Variants in MRRF observed in about 807,000 individuals in gnomAD.
MRRF encodes mitochondrial ribosome recycling factor.
MRRF carries 18 observed loss-of-function variants against 25.1 expected under a neutral mutation model. That is an observed-to-expected ratio of 0.72 (90% CI 0.50 to 1.06). MRRF has a LOEUF of 1.06. Among genes scored for constraint, MRRF ranks in the 50% least tolerant of loss-of-function variants. The probability of loss-of-function intolerance (pLI) is 0.00; values close to 1 mark genes in which losing one functional copy is unlikely to be tolerated. For synonymous variants in MRRF, 113 were observed against 112.1 expected (o/e 1.01, Z -0.05); for missense variants, 323 against 319.3 (o/e 1.01, Z -0.09).
At chr9:122,298,444 TG>T (rs1348024735) in intron 5 of MRRF, among the ~76,000 whole-genome samples, 1 of 152,232 alleles carries the variant, frequency 6.6e-6, no homozygotes, top group Non-Finnish European at 1.5e-5. Flanking sequence ...TATGTGATGA[TG>T]GCTTTTGACA....
At chr9:122,299,510 G>C (rs1402252578) in intron 5 of MRRF, among the ~76,000 whole-genome samples, 1 of 152,088 alleles carries the variant, frequency 6.6e-6, no homozygotes, top group Non-Finnish European at 1.5e-5. Flanking sequence ...CTGAAGTTCA[G>C]AGGACAGATG....
chr9:122,308,385 CTT>C (rs869284152), intron 5 of MRRF, among the ~76,000 whole-genome samples: 1,664 of 124,126 alleles, frequency 0.013, 21 homozygotes, highest in African/African-American at 0.044. Flanking sequence ...CTGTTTTAGT[CTT>C]TTTTTTTTTT....
chr9:122,311,849 G>A (rs189291242), intron 5 of MRRF, among the ~76,000 whole-genome samples: 169 of 152,292 alleles, frequency 1.1e-3, no homozygotes, highest in Middle Eastern at 6.8e-3. Flanking sequence ...TATTTCAGCA[G>A]GATTAAGTTC....
intron 5 of MRRF, among the ~76,000 whole-genome samples, chr9:122,303,202 C>G (rs1311423525): frequency 2.6e-5 from 4 of 151,638 alleles, no homozygotes; most frequent in African/African-American, 9.7e-5. Flanking sequence ...TTTATTGTTC[C>G]CCAGTTGTTC....
intron 5 of MRRF, among the ~76,000 whole-genome samples, chr9:122,302,629 C>T (rs1834545258): frequency 6.6e-6 from 1 of 151,954 alleles, no homozygotes; most frequent in Non-Finnish European, 1.5e-5. Flanking sequence ...TGGGTTTTTT[C>T]TACTTTGGGG....
intron 1 of MRRF, among the ~76,000 whole-genome samples, chr9:122,268,789 C>T (rs1412552744): frequency 6.6e-6 from 1 of 152,196 alleles, no homozygotes; most frequent in African/African-American, 2.4e-5. Flanking sequence ...ACACTGATCA[C>T]TAACTTCTAG....
At chr9:122,305,397 C>CT (rs1834773284) in intron 5 of MRRF, among the ~76,000 whole-genome samples, 1 of 143,658 alleles carries the variant, frequency 7.0e-6, no homozygotes, top group Non-Finnish European at 1.5e-5. Flanking sequence ...GGGAGACAGA[C>CT]TGAGACTCAT....
chr9:122,280,490 T>C lies in MRRF; in HGVS notation c.232T>C (p.Leu78=). ...SQTRVNINAA[L]VEDIINLEEV... ...AACCAGAGTGAATATTAATGCTGCC[T>C]TGGTTGAGGATATAATCAACTTGGA... The change falls in exon 3 of 7, where the codon TTG becomes CTG. Residue 78 remains leucine (L), a synonymous_variant. Coordinates refer to ENST00000344641, the MANE Select transcript of MRRF (RefSeq NM_138777.5). The C allele has an allele frequency of 6.2e-7, 1 of 1,614,140 alleles. No homozygotes were observed. The highest frequency in any genetic ancestry group is 8.5e-7 in the Non-Finnish European group (1 of 1,179,966).
At position 122,323,344 on chromosome 9, in the gene MRRF, A is replaced by C. The variant is rs1386298873; in HGVS notation, c.*727A>C. On this transcript the variant is annotated 3_prime_UTR_variant, in exon 7 of 7. Transcript: ENST00000344641. ...CAGTCTACTGCTTTGTACGAATTCT[A>C]AGTATTCTTGTTGCACTTAATTAGC... The C allele has an allele frequency of 6.5e-6, 1 of 152,932 alleles. No homozygotes were observed. The highest frequency in any genetic ancestry group is 1.9e-4 in the East Asian group (1 of 5,196). 9.5% of individuals were successfully genotyped at this position (152,932 alleles called of 1,614,324 possible). A position where few individuals can be genotyped will look rare whatever the true frequency, so the allele number is the denominator to read the frequency against.
chr9:122,279,392 G>T (rs1156423269), intron 2 of MRRF, among the ~76,000 whole-genome samples: 1 of 152,208 alleles, frequency 6.6e-6, no homozygotes, highest in Non-Finnish European at 1.5e-5. Flanking sequence ...TGGATAGCAA[G>T]GAGGAGAATG....
At chr9:122,296,953 T>G (rs1260872792) in intron 5 of MRRF, among the ~76,000 whole-genome samples, 2 of 152,332 alleles carry the variant, frequency 1.3e-5, no homozygotes, top group Admixed American at 1.3e-4. Flanking sequence ...TTTGCATCTT[T>G]CCTTGATTGT....
Position 122,274,638 on chromosome 9 carries a change from CTTGA to C in MRRF, c.184+3566_184+3569del, listed in dbSNP as rs1201107457. On this transcript the variant is annotated intron_variant, in intron 2 of 6. Coordinates refer to ENST00000344641, the MANE Select transcript of MRRF (RefSeq NM_138777.5). ...ATTATGAGACTGCTTAGATTTTTCT[CTTGA>C]TTTAGTAAGTTATATATTTTAGGAA... 2.0e-5 allele frequency among the ~76,000 whole-genome samples: 3 copies of C among 150,768 alleles called. No individual in the cohort carries two copies. In the East Asian group the frequency reaches 5.9e-4, roughly 29 times the overall value.
chr9:122,281,569 C>T (rs1588023301), intron 3 of MRRF, among the ~76,000 whole-genome samples: 1 of 152,342 alleles, frequency 6.6e-6, no homozygotes, highest in African/African-American at 2.4e-5. Context: ...CCTTTGCTGA[C>T]AGTAGAGCGT....
At chr9:122,297,287 C>T (rs565213493) in intron 5 of MRRF, among the ~76,000 whole-genome samples, 11 of 152,198 alleles carry the variant, frequency 7.2e-5, no homozygotes, top group South Asian at 4.1e-4. Context: ...CCAACCTGGG[C>T]GACCAAGTGA....
chr9:122,286,705 C>T (rs1215010210), intron 4 of MRRF, among the ~76,000 whole-genome samples: 2 of 152,072 alleles, frequency 1.3e-5, no homozygotes, highest in Non-Finnish European at 2.9e-5. Flanking sequence ...AGAGCAAGAC[C>T]TTGTATCTTA....
rs1836250225 is a variant in MRRF, at chr9:122,330,304, T to C, written c.*7687T>C. 6.6e-6 allele frequency: 1 copy of C among 152,366 alleles called. No individual in the cohort carries two copies. Among genetic ancestry groups the C allele is most frequent in the African/African-American group, 2.4e-5 (1 of 41,446 alleles). The allele number at this position is 152,366 out of a possible 1,614,324, so 9.4% of individuals were successfully genotyped here. A position where few individuals can be genotyped will look rare whatever the true frequency, so the allele number is the denominator to read the frequency against. ...ACATCCCACATTTGCCGTGCATCCC[T>C]GAGTTCCAAAGCAGCCTCGCTAGGC... On this transcript the variant is annotated 3_prime_UTR_variant, in exon 7 of 7. Transcript: ENST00000344641. This position sits in a 1 kb window ranked among gnomAD's most constrained non-coding sequence, Gnocchi z 4.2.
At chr9:122,298,177 T>C (rs1390281002) in intron 5 of MRRF, among the ~76,000 whole-genome samples, 1 of 152,208 alleles carries the variant, frequency 6.6e-6, no homozygotes, top group African/African-American at 2.4e-5. Context: ...GAGAGTACTT[T>C]CTGTTTTTGT....
chr9:122,274,179 C>T (rs1832633496), intron 2 of MRRF, among the ~76,000 whole-genome samples: 1 of 152,120 alleles, frequency 6.6e-6, no homozygotes. Context: ...ATAGGAAACA[C>T]TTCTTATATG....
intron 5 of MRRF, among the ~76,000 whole-genome samples, chr9:122,308,525 C>A (rs1181524221): frequency 6.6e-6 from 1 of 151,208 alleles, no homozygotes; most frequent in Non-Finnish European, 1.5e-5. Context: ...ATGGCGAAAC[C>A]CCGTCTCTAC....
Sources: allele counts gnomAD v4.1 joint callset (sites outside exome capture counted in the v4.1 genomes callset), GRCh38; gene constraint gnomAD v4.1.1; non-coding constraint Gnocchi (gnomAD v3.1); transcripts MANE v1.5; gene names NCBI Gene and HGNC (gene_info 2026-07-23, HGNC 2026-07-21).